Variants in TENM1 observed in about 807,000 individuals in gnomAD.
The protein encoded by TENM1 is teneurin-1.
TENM1 carries 35 observed loss-of-function variants against 174.8 expected under a neutral mutation model. The ratio of observed to expected loss-of-function variants is 0.20; its 90% CI spans 0.15 to 0.27. The LOEUF is 0.27. TENM1 is among the 10% of genes least tolerant of loss of function. The probability of loss-of-function intolerance (pLI) is 1.00; values close to 1 mark genes in which losing one functional copy is unlikely to be tolerated. For missense variants in TENM1, 1,633 were observed against 2,130.1 expected, an observed-to-expected ratio of 0.77 and a Z score of 4.59; for synonymous variants, 781 against 798.7, an observed-to-expected ratio of 0.98 and a Z score of 0.37.
chrX:124,757,492 T>A (rs2054291247), intron 3 of TENM1, among the ~76,000 whole-genome samples: 1 of 112,545 alleles, frequency 8.9e-6, no homozygotes, highest in Non-Finnish European at 1.9e-5. Context: ...CACGGTGCAC[T>A]GCACCCACTG....
At chrX:125,129,339 T>C in the TENM1 span, among the ~76,000 whole-genome samples, 1 of 112,107 alleles carries the variant, frequency 8.9e-6, no homozygotes, top group Non-Finnish European at 1.9e-5. Context: ...GGTGGGTGCA[T>C]AGTAGATGTA....
chrX:125,118,409 GA>G, the TENM1 span, among the ~76,000 whole-genome samples: 7 of 110,799 alleles, frequency 6.3e-5, no homozygotes. Flanking sequence ...AGCTGTTAAA[GA>G]AAAAAAAGTT....
Position 124,420,903 on chromosome X carries a change from C to T in TENM1, c.4472-82G>A, listed in dbSNP as rs888989447. On this transcript the variant is annotated intron_variant, in intron 24 of 31. Transcript: ENST00000422452. Reference sequence around the variant, plus strand: ...ACCACAGACATAAAGCTCTGTGCATCAAGAATCATTTTAAAGGAAACAATC... The same window carrying T: ...ACCACAGACATAAAGCTCTGTGCATTAAGAATCATTTTAAAGGAAACAATC... The T allele has an allele frequency of 1.1e-5, 10 of 925,631 alleles. No individual in the cohort carries two copies. The African/African-American group carries it at 1.6e-4, about 15-fold the overall frequency. 76.3% of individuals were successfully genotyped at this position (925,631 alleles called of 1,213,427 possible).
chrX:125,078,340 C>T, the TENM1 span, among the ~76,000 whole-genome samples: 2 of 111,669 alleles, frequency 1.8e-5, no homozygotes, highest in Non-Finnish European at 3.8e-5. Flanking sequence ...AAAAGAAGTG[C>T]GGCAATGCAG....
intron 6 of TENM1, among the ~76,000 whole-genome samples, chrX:124,661,534 A>G (rs2051600877): frequency 8.9e-6 from 1 of 111,813 alleles, no homozygotes; most frequent in Non-Finnish European, 1.9e-5. Context: ...CCCATTTTCT[A>G]TATTTCATAC....
the TENM1 span, among the ~76,000 whole-genome samples, chrX:125,159,092 G>A: frequency 9.0e-6 from 1 of 111,671 alleles, no homozygotes; most frequent in African/African-American, 3.3e-5. Context: ...GTAGTAAACA[G>A]TCCAGTCAAA....
chrX:124,508,217 G>A (rs771854598), intron 18 of TENM1, among the ~76,000 whole-genome samples: 146 of 112,095 alleles, frequency 1.3e-3, no homozygotes, highest in Middle Eastern at 9.3e-3. Context: ...GTGATTTATC[G>A]TAGGATAGGA....
chrX:124,955,790 C>G (rs764336677), intron 1 of TENM1, among the ~76,000 whole-genome samples: 1 of 92,940 alleles, frequency 1.1e-5, no homozygotes, highest in African/African-American at 4.7e-5. Context: ...ATACAACACA[C>G]GCGCACGCAC....
At chrX:124,679,051 T>G (rs1051881194) in intron 5 of TENM1, among the ~76,000 whole-genome samples, 1 of 111,960 alleles carries the variant, frequency 8.9e-6, no homozygotes, top group African/African-American at 3.2e-5. Flanking sequence ...AATGCAAAGA[T>G]ATTCAGCTAG....
upstream of TENM1, among the ~76,000 whole-genome samples, chrX:124,967,105 T>C (rs1367678587): frequency 8.9e-6 from 1 of 111,958 alleles, no homozygotes; most frequent in Non-Finnish European, 1.9e-5. Flanking sequence ...ATGAAGATAT[T>C]GGAAAAGGAT....
At chrX:125,097,487 T>C in the TENM1 span, among the ~76,000 whole-genome samples, 156 of 112,206 alleles carry the variant, frequency 1.4e-3, no homozygotes, top group African/African-American at 4.8e-3. Context: ...ATTCAAGCAA[T>C]GTTGTAAAGC....
chrX:125,008,260 G>GAAA, the TENM1 span, among the ~76,000 whole-genome samples: 276 of 103,392 alleles, frequency 2.7e-3, 2 homozygotes, highest in African/African-American at 8.0e-3. Context: ...AATGTTAAAC[G>GAAA]AAAAAAAAAA....
chrX:124,953,575 C>A (rs1229759561), intron 1 of TENM1, among the ~76,000 whole-genome samples: 1 of 111,357 alleles, frequency 9.0e-6, no homozygotes, highest in Non-Finnish European at 1.9e-5. Context: ...AGACAAAGCT[C>A]TTTTTCCCAG....
intron 1 of TENM1, among the ~76,000 whole-genome samples, chrX:124,951,571 C>G (rs901789739): frequency 4.9e-5 from 5 of 102,855 alleles, no homozygotes; most frequent in African/African-American, 1.7e-4. Context: ...TTTATCTAAA[C>G]TTGATTTTTA....
At chrX:124,457,660 C>G (rs1158207275) in intron 22 of TENM1, among the ~76,000 whole-genome samples, 1 of 111,660 alleles carries the variant, frequency 9.0e-6, no homozygotes, top group East Asian at 2.8e-4. Flanking sequence ...ACTGAAGGAA[C>G]AGGGGCATCC....
At chrX:124,428,704 T>C (rs770037457) in intron 23 of TENM1, among the ~76,000 whole-genome samples, 1 of 106,001 alleles carries the variant, frequency 9.4e-6, no homozygotes, top group South Asian at 4.6e-4. Flanking sequence ...TAGTAAGGGA[T>C]AGCAAGTGGT....
At chrX:124,734,509 T>C (rs193220009) in intron 4 of TENM1, among the ~76,000 whole-genome samples, 146 of 111,607 alleles carry the variant, frequency 1.3e-3, no homozygotes, top group Non-Finnish European at 2.2e-3. Flanking sequence ...ATCACTAGTA[T>C]AGTTCTAATT....
chrX:124,653,502 T>A, intron 7 of TENM1, 82 bp downstream of exon 10: 1 of 778,602 alleles, frequency 1.3e-6, no homozygotes, highest in African/African-American at 2.1e-5. Flanking sequence ...GACAACCACA[T>A]ATTTCATAAG....
intron 3 of TENM1, among the ~76,000 whole-genome samples, chrX:124,806,189 A>G (rs1033477680): frequency 4.4e-5 from 5 of 112,405 alleles, no homozygotes; most frequent in African/African-American, 1.6e-4. Context: ...AAAAAACGCA[A>G]TAGAGAACAT....
Sources: allele counts gnomAD v4.1 joint callset (sites outside exome capture counted in the v4.1 genomes callset), GRCh38; gene constraint gnomAD v4.1.1; transcripts MANE v1.5; gene names NCBI Gene and HGNC (gene_info 2026-07-23, HGNC 2026-07-21).